The following CSMD1 variants were observed in gnomAD, a reference collection of about 807,000 sequenced individuals.
The protein encoded by CSMD1 is CUB and sushi domain-containing protein 1.
In CSMD1, 213 loss-of-function variants were observed where a neutral mutation model predicts 417.5. The observed-to-expected ratio is 0.51, with a 90% CI of 0.46 to 0.57. The LOEUF is 0.57. Among genes scored for constraint, CSMD1 ranks in the 20% least tolerant of loss-of-function variants. CSMD1 has a pLI of 0.00. For synonymous variants in CSMD1, 2,862 were observed against 1,736.8 expected (o/e 1.65, Z -16.11); for missense variants, 6,923 against 4,529.7 (o/e 1.53, Z -15.17).
intron 3 of CSMD1, among the ~76,000 whole-genome samples, chr8:4,142,239 T>C (rs973556851): frequency 6.6e-6 from 1 of 151,196 alleles, no homozygotes; most frequent in African/African-American, 2.5e-5. Context: ...TGATACTTAA[T>C]TTACTAATAC....
At chr8:4,165,331 A>C (rs1250738959) in intron 3 of CSMD1, among the ~76,000 whole-genome samples, 1 of 152,246 alleles carries the variant, frequency 6.6e-6, no homozygotes, top group Non-Finnish European at 1.5e-5. Flanking sequence ...TAGAAGCGCA[A>C]ACACGTGGTG....
chr8:3,306,736 CAAGAACTAAAAATAAAACTGATTTT>C (rs1804883808), intron 25 of CSMD1, among the ~76,000 whole-genome samples: 1 of 152,118 alleles, frequency 6.6e-6, no homozygotes, highest in African/African-American at 2.4e-5. Flanking sequence ...TCATTTTAAA[CAAGAACTAAAAATAAAACTGATTTT>C]AAAATTACCT....
At chr8:4,704,705 G>A (rs565072026) in intron 1 of CSMD1, among the ~76,000 whole-genome samples, 25 of 152,228 alleles carry the variant, frequency 1.6e-4, no homozygotes, top group African/African-American at 5.8e-4. Context: ...GTTTGCTTGT[G>A]TGCTTGCTTA....
At position 3,367,239 on chromosome 8, in the gene CSMD1, T is replaced by C. The variant is rs1809643581; in HGVS notation, c.2908A>G (p.Met970Val). The stretch of plus-strand genomic sequence containing the variant: ...TCAAGATGAAAGGTGTGAAAGATCA[T>C]TTGAACTCCTGAGAAATGAAGCCGG... Reference protein sequence around the residue: ...IEVSHGKGVQMIFHTFHLESS... With the variant: ...IEVSHGKGVQVIFHTFHLESS... The change falls in exon 20 of 70, where the codon ATG becomes GTG. Residue 970 changes from methionine to valine, a missense_variant. Coordinates refer to ENST00000635120, the MANE Select transcript of CSMD1 (RefSeq NM_033225.6). The C allele has an allele frequency of 6.2e-7, 1 of 1,609,404 alleles. No homozygotes were observed. Among genetic ancestry groups the C allele is most frequent in the East Asian group, 2.2e-5 (1 of 44,736 alleles).
intron 2 of CSMD1, among the ~76,000 whole-genome samples, chr8:4,546,293 C>G (rs1797628935): frequency 6.6e-6 from 1 of 152,184 alleles, no homozygotes; most frequent in Non-Finnish European, 1.5e-5. Flanking sequence ...CTTTTCCTCT[C>G]CGGCCATTTA....
intron 2 of CSMD1, among the ~76,000 whole-genome samples, chr8:4,456,780 C>T (rs1799513824): frequency 6.6e-6 from 1 of 152,060 alleles, no homozygotes; most frequent in African/African-American, 2.4e-5. Context: ...ATCTGACAAC[C>T]TACGAGGTAA....
intron 1 of CSMD1, among the ~76,000 whole-genome samples, chr8:4,641,804 G>A (rs1197385222): frequency 6.6e-6 from 1 of 152,110 alleles, no homozygotes. Flanking sequence ...GATATGTAGG[G>A]ACTCTAAATT....
intron 1 of CSMD1, among the ~76,000 whole-genome samples, chr8:4,660,329 G>A (rs779553975): frequency 6.6e-6 from 1 of 151,574 alleles, no homozygotes; most frequent in African/African-American, 2.4e-5. Context: ...AAAATACTTA[G>A]GTGTAAATCT....
At chr8:4,353,362 T>C (rs1452445728) in intron 3 of CSMD1, among the ~76,000 whole-genome samples, 1 of 152,174 alleles carries the variant, frequency 6.6e-6, no homozygotes, top group East Asian at 1.9e-4. Flanking sequence ...CCTTCCACCA[T>C]GATTGTGAGG....
rs77979492 is a variant in CSMD1 at position 4,472,205 on chromosome 8, G to C, written c.303-52140C>G. 1.7e-3 allele frequency among the ~76,000 whole-genome samples: 263 copies of C among 151,850 alleles called. 2 individuals carry two copies. The highest frequency in any genetic ancestry group is 6.1e-3 in the African/African-American group (251 of 41,410). ...AAAATGTTATTTTTTCTCTTATTTA[G>C]GAAATCTCAAAAATTATTTTAAAAT... On this transcript the variant is annotated intron_variant, in intron 2 of 69. Transcript: ENST00000635120.
At chr8:4,804,234 C>T (rs1372715991) in intron 1 of CSMD1, among the ~76,000 whole-genome samples, 3 of 152,022 alleles carry the variant, frequency 2.0e-5, no homozygotes, top group African/African-American at 4.8e-5. Context: ...AGTTAAAATA[C>T]ACCTTCTAAA....
intron 1 of CSMD1, among the ~76,000 whole-genome samples, chr8:4,729,996 C>G (rs534137056): frequency 5.3e-5 from 8 of 152,234 alleles, no homozygotes; most frequent in African/African-American, 1.7e-4. Context: ...TCTCCCGATT[C>G]TGAAACTCGT....
intron 3 of CSMD1, among the ~76,000 whole-genome samples, chr8:4,238,789 A>G (rs1387633334): frequency 6.6e-6 from 1 of 152,202 alleles, no homozygotes; most frequent in African/African-American, 2.4e-5. Context: ...AAGAAGACTT[A>G]GGCAGTAACT....
chr8:3,809,709 A>T (rs1248778281), intron 5 of CSMD1, among the ~76,000 whole-genome samples: 8 of 152,176 alleles, frequency 5.3e-5, no homozygotes, highest in Admixed American at 5.2e-4. Context: ...AGACACTGCC[A>T]CGAATCTATA....
chr8:4,730,804 G>C (rs989102013), intron 1 of CSMD1, among the ~76,000 whole-genome samples: 1 of 151,994 alleles, frequency 6.6e-6, no homozygotes, highest in African/African-American at 2.4e-5. Flanking sequence ...CGGAGAAGTT[G>C]CTGATTTTCT....
chr8:3,064,406 G>T (rs982217404), intron 49 of CSMD1, among the ~76,000 whole-genome samples: 3 of 152,044 alleles, frequency 2.0e-5, no homozygotes, highest in African/African-American at 7.2e-5. Flanking sequence ...TGTGAAGAAG[G>T]GACTTGCTTC....
chr8:4,530,767 C>G (rs895941801), intron 2 of CSMD1, among the ~76,000 whole-genome samples: 1 of 151,174 alleles, frequency 6.6e-6, no homozygotes, highest in Non-Finnish European at 1.5e-5. Context: ...TGGGTTGCTT[C>G]CAAGTCTTTG....
intron 1 of CSMD1, among the ~76,000 whole-genome samples, chr8:4,682,350 T>A (rs1437716380): frequency 6.6e-6 from 1 of 152,184 alleles, no homozygotes; most frequent in African/African-American, 2.4e-5. Flanking sequence ...CTTTTTTTGA[T>A]TAGTCAGAAT....
chr8:3,520,019 CCT>C (rs201153076), intron 10 of CSMD1, among the ~76,000 whole-genome samples: 17 of 114,028 alleles, frequency 1.5e-4, no homozygotes, highest in South Asian at 1.2e-3. Context: ...TGTGTATATA[CCT>C]ATATATATAT....
Sources: gnomAD v4.1 joint callset for allele counts (sites outside exome capture counted in the v4.1 genomes callset) on GRCh38, gnomAD v4.1.1 for gene constraint, MANE v1.5 for transcripts, NCBI Gene and HGNC (gene_info 2026-07-23, HGNC 2026-07-21) for gene names.